MEF2A: variants seen among roughly 807,000 people sequenced by gnomAD.
MEF2A encodes the protein myocyte-specific enhancer factor 2A.
A neutral mutation model predicts 55.8 loss-of-function variants in MEF2A; 28 were observed. The ratio of observed to expected loss-of-function variants is 0.50; its 90% CI spans 0.37 to 0.69. The LOEUF (loss-of-function observed/expected upper bound fraction) is 0.69. Ranked by LOEUF, MEF2A falls within the 30% of genes least tolerant of loss-of-function variation. The probability of loss-of-function intolerance (pLI) is 0.00; values close to 1 mark genes in which losing one functional copy is unlikely to be tolerated. For synonymous variants in MEF2A, 239 were observed against 227.1 expected (o/e 1.05, Z -0.47); for missense variants, 528 against 626.2 (o/e 0.84, Z 1.67).
At chr15:99,584,772 G>C (rs1268475950) in intron 1 of MEF2A, among the ~76,000 whole-genome samples, 3 of 152,194 alleles carry the variant, frequency 2.0e-5, no homozygotes, top group Admixed American at 6.5e-5. Flanking sequence ...GAATTAGATA[G>C]TGGTGAGGGT....
At chr15:99,708,874 G>T (rs553245808) in intron 10 of MEF2A, among the ~76,000 whole-genome samples, 2 of 152,284 alleles carry the variant, frequency 1.3e-5, no homozygotes, top group East Asian at 3.9e-4. Flanking sequence ...AGGAGTTTGC[G>T]GGCGGGACGG....
chr15:99,633,227 A>G (rs192666193), intron 3 of MEF2A, 54 bp downstream of exon 3: 3 of 1,278,898 alleles, frequency 2.3e-6, no homozygotes, highest in Non-Finnish European at 3.2e-6. Flanking sequence ...TTAAAAAAAG[A>G]ACATAGGACA....
chr15:99,647,948 CT>C (rs1555473261), intron 4 of MEF2A, among the ~76,000 whole-genome samples: 1 of 151,988 alleles, frequency 6.6e-6, no homozygotes, highest in Non-Finnish European at 1.5e-5. Context: ...TGAGATAGGC[CT>C]TTTTTCACAT....
intron 3 of MEF2A, among the ~76,000 whole-genome samples, chr15:99,637,245 C>T (rs1218513538): frequency 1.3e-5 from 2 of 151,626 alleles, no homozygotes; most frequent in East Asian, 1.9e-4. Context: ...TTTTTTTCCA[C>T]TGGATGTAGG....
intron 9 of MEF2A, among the ~76,000 whole-genome samples, chr15:99,704,181 G>T (rs1167868731): frequency 1.3e-5 from 2 of 152,188 alleles, no homozygotes; most frequent in Non-Finnish European, 2.9e-5. Context: ...AAGAGTGCAT[G>T]AAAGCATGGG....
chr15:99,603,030 T>C (rs993811638), intron 2 of MEF2A, among the ~76,000 whole-genome samples: 2 of 152,142 alleles, frequency 1.3e-5, no homozygotes, highest in East Asian at 3.8e-4. Context: ...ATTTGAAGAA[T>C]CTGTAGTGAT....
chr15:99,568,078 C>T (rs1339708350), intron 1 of MEF2A, among the ~76,000 whole-genome samples: 1 of 152,126 alleles, frequency 6.6e-6, no homozygotes, highest in Non-Finnish European at 1.5e-5. Flanking sequence ...TACCTATTTC[C>T]TTTAATTCAC....
chr15:99,677,612 C>T (rs2052391589), intron 7 of MEF2A, among the ~76,000 whole-genome samples: 1 of 151,880 alleles, frequency 6.6e-6, no homozygotes, highest in Admixed American at 6.6e-5. Context: ...AATTGAAGTC[C>T]CAGGAAGCAA....
chr15:99,603,543 T>TGTGTGTGTGTGTGTG (rs141750262), intron 2 of MEF2A, among the ~76,000 whole-genome samples: 2 of 126,422 alleles, frequency 1.6e-5, no homozygotes, highest in African/African-American at 2.9e-5. Flanking sequence ...CTGGCTGATT[T>TGTGTGTGTGTGTGTG]TGTGTGTGTG....
intron 2 of MEF2A, among the ~76,000 whole-genome samples, chr15:99,625,778 GA>G: frequency 6.6e-6 from 1 of 151,784 alleles, no homozygotes; most frequent in Non-Finnish European, 1.5e-5. Flanking sequence ...GTGTCACATT[GA>G]TTTTAGTATG....
At chr15:99,566,374 T>G (rs1596142530) in intron 1 of MEF2A, 1 of 89,142 alleles carries the variant, frequency 1.1e-5, no homozygotes. Flanking sequence ...GGTGGTCGGG[T>G]CGGGGTCGGC....
chr15:99,635,183 A>G (rs2043572866), intron 3 of MEF2A, among the ~76,000 whole-genome samples: 1 of 152,226 alleles, frequency 6.6e-6, no homozygotes, highest in Non-Finnish European at 1.5e-5. Flanking sequence ...AGATACTGGG[A>G]GAGTTTATAG....
At chr15:99,690,585 A>G (rs3730280) in intron 8 of MEF2A, 157 bp downstream of exon 8, 47,062 of 770,822 alleles carry the variant, frequency 0.061, 1,768 homozygotes, top group East Asian at 0.15. Context: ...AGACAAGTCT[A>G]TTTCAAATAC....
At position 99,716,194 on chromosome 15, in the gene MEF2A, A is replaced by AGAT. The variant is rs1272994595; in HGVS notation, c.*3424_*3426dup. The AGAT allele has an allele frequency of 1.1e-5, 2 of 185,192 alleles. No homozygotes were observed. The highest frequency in any genetic ancestry group is 2.3e-5 in the Non-Finnish European group (2 of 86,302). The allele number at this position is 185,192 out of a possible 1,614,324, so 11.5% of individuals were successfully genotyped here. On this transcript the variant is annotated 3_prime_UTR_variant, in exon 12 of 12. Transcript: ENST00000557942. ...ATATTTAAAATGGCTTTTTTAAAAG[A>AGAT]GATTTATGTATTTGGTAAATGTTTG...
intron 2 of MEF2A, among the ~76,000 whole-genome samples, chr15:99,631,157 C>T (rs1185773533): frequency 6.6e-6 from 1 of 152,184 alleles, no homozygotes; most frequent in Non-Finnish European, 1.5e-5. Context: ...CAAATATGTT[C>T]TGGAATTAAG....
intron 3 of MEF2A, among the ~76,000 whole-genome samples, 191 bp from the exon 4 acceptor site, chr15:99,645,370 C>T (rs186435412): frequency 1.2e-4 from 19 of 152,260 alleles, no homozygotes; most frequent in Middle Eastern, 3.4e-3. Flanking sequence ...TGTCGGAGAA[C>T]TTGGCATATA....
intron 4 of MEF2A, among the ~76,000 whole-genome samples, chr15:99,649,332 A>G (rs985023599): frequency 5.3e-5 from 8 of 152,158 alleles, no homozygotes; most frequent in Admixed American, 2.0e-4. Context: ...TCATAACTCA[A>G]TTTCTCTGAA....
At chr15:99,572,013 G>GTTTTTTTTTT (rs36027608) in intron 1 of MEF2A, among the ~76,000 whole-genome samples, 6 of 128,374 alleles carry the variant, frequency 4.7e-5, no homozygotes, top group Non-Finnish European at 8.3e-5. Flanking sequence ...CTCCATAGAA[G>GTTTTTTTTTT]TTTTTTTTTT....
intron 8 of MEF2A, among the ~76,000 whole-genome samples, chr15:99,692,286 A>G (rs2055632446): frequency 6.6e-6 from 1 of 152,240 alleles, no homozygotes; most frequent in Non-Finnish European, 1.5e-5. Flanking sequence ...TAGAGCTAGG[A>G]CCAAATCTCT....
Sources: allele counts gnomAD v4.1 joint callset (sites outside exome capture counted in the v4.1 genomes callset), GRCh38; gene constraint gnomAD v4.1.1; transcripts MANE v1.5; gene names NCBI Gene and HGNC (gene_info 2026-07-23, HGNC 2026-07-21).